Variants in TRMT11 observed in about 807,000 individuals in gnomAD.
TRMT11 encodes the protein tRNA (guanine(10)-N(2))-methyltransferase TRMT11.
Under a neutral mutation model 62.8 loss-of-function variants are expected in TRMT11, and 53 were observed. The ratio of observed to expected loss-of-function variants is 0.84; its 90% CI spans 0.68 to 1.06. The LOEUF (loss-of-function observed/expected upper bound fraction) is 1.06. Among genes scored for constraint, TRMT11 ranks in the 50% least tolerant of loss-of-function variants. The probability of loss-of-function intolerance (pLI) is 0.00; values close to 1 mark genes in which losing one functional copy is unlikely to be tolerated. For missense variants in TRMT11, 556 were observed against 553.4 expected, an observed-to-expected ratio of 1.00 and a Z score of -0.05; for synonymous variants, 188 against 190.3, an observed-to-expected ratio of 0.99 and a Z score of 0.10.
chr6:125,996,221 A>C (rs995977926), intron 3 of TRMT11, among the ~76,000 whole-genome samples, 181 bp downstream of exon 3: 10 of 152,200 alleles, frequency 6.6e-5, no homozygotes, highest in African/African-American at 2.4e-4. Flanking sequence ...GGATGAAAGA[A>C]TCTCTGGGGA....
upstream of TRMT11, among the ~76,000 whole-genome samples, chr6:126,172,622 T>G (rs1331298408): frequency 4.6e-5 from 7 of 152,214 alleles, no homozygotes; most frequent in Non-Finnish European, 8.8e-5. Flanking sequence ...TTGAAACACT[T>G]TCAATACTGT....
intron 7 of TRMT11, among the ~76,000 whole-genome samples, chr6:126,004,119 G>T (rs1339821206): frequency 6.6e-6 from 1 of 151,934 alleles, no homozygotes; most frequent in Admixed American, 6.6e-5. Flanking sequence ...TATACATGTA[G>T]AAAATGATTA....
chr6:126,237,346 TTTATCCACCCCCTAGCAGAAGTCAGA>T, the TRMT11 span, among the ~76,000 whole-genome samples: 1 of 152,140 alleles, frequency 6.6e-6, no homozygotes, highest in Non-Finnish European at 1.5e-5. Flanking sequence ...CTGGAAAATC[TTTATCCACCCCCTAGCAGAAGTCAGA>T]TTATCTTAAA....
intron 11 of TRMT11, 104 bp from the exon 12 acceptor site, chr6:126,021,056 G>C: frequency 1.5e-6 from 2 of 1,315,844 alleles, no homozygotes; most frequent in South Asian, 1.4e-5. Flanking sequence ...TGGGGAAAAA[G>C]AGCATGTAGT....
At chr6:126,182,367 T>TCCC (rs1778476882) in intron 1 of TRMT11, among the ~76,000 whole-genome samples, 1 of 151,708 alleles carries the variant, frequency 6.6e-6, no homozygotes, top group Non-Finnish European at 1.5e-5. Context: ...GGGTAGCATT[T>TCCC]CTTCTTTTTT....
chr6:126,263,547 G>C, the TRMT11 span, among the ~76,000 whole-genome samples: 1 of 152,188 alleles, frequency 6.6e-6, no homozygotes, highest in African/African-American at 2.4e-5. Flanking sequence ...AAGAGCTAAT[G>C]AGAGGTAATA....
the TRMT11 span, among the ~76,000 whole-genome samples, chr6:126,265,365 AT>A: frequency 6.6e-6 from 1 of 152,190 alleles, no homozygotes; most frequent in East Asian, 1.9e-4. Flanking sequence ...AACTGATGAC[AT>A]TTTTATAAAT....
chr6:126,013,465 T>G (rs1381997315), intron 11 of TRMT11, among the ~76,000 whole-genome samples: 1 of 152,176 alleles, frequency 6.6e-6, no homozygotes, highest in Non-Finnish European at 1.5e-5. Flanking sequence ...CTCACTATGT[T>G]GCCCAGGTTG....
chr6:126,206,413 T>G (rs966934169), downstream of TRMT11, among the ~76,000 whole-genome samples: 1 of 152,210 alleles, frequency 6.6e-6, no homozygotes, highest in Admixed American at 6.5e-5. Flanking sequence ...CCCGGTTATG[T>G]CAATCTTTGT....
At chr6:126,265,726 A>G in the TRMT11 span, among the ~76,000 whole-genome samples, 1 of 152,190 alleles carries the variant, frequency 6.6e-6, no homozygotes, top group Non-Finnish European at 1.5e-5. Flanking sequence ...ATTAATTAAC[A>G]CATGTACAAT....
chr6:125,992,200 T>A (rs955292044), intron 1 of TRMT11, among the ~76,000 whole-genome samples: 7 of 152,220 alleles, frequency 4.6e-5, no homozygotes, highest in Non-Finnish European at 7.3e-5. Context: ...CTGCTTAAGC[T>A]TTGGGTAGTA....
At chr6:126,003,275 A>AT (rs915467315) in intron 7 of TRMT11, among the ~76,000 whole-genome samples, 6 of 151,780 alleles carry the variant, frequency 4.0e-5, no homozygotes, top group East Asian at 1.9e-4. Context: ...AATTTTTGCA[A>AT]TTTTTTTTAG....
At chr6:126,211,681 T>C in the TRMT11 span, among the ~76,000 whole-genome samples, 2 of 151,852 alleles carry the variant, frequency 1.3e-5, no homozygotes, top group African/African-American at 2.4e-5. Context: ...TATATATGTA[T>C]AGAGTACATG....
chr6:125,998,335 C>T lies in TRMT11; in HGVS notation c.387+20C>T, dbSNP rs1261993586. On this transcript the variant is annotated intron_variant, in intron 5 of 12. Coordinates refer to ENST00000334379, the MANE Select transcript of TRMT11 (RefSeq NM_001031712.3). ...ATAGATGTAAGTAAATTTAGCAAAA[C>T]AAAAAACCTACATGATGAATGCAGT... 1 of 1,503,098 alleles carries T rather than the reference C, an allele frequency of 6.7e-7. No individual in the cohort carries two copies. Among genetic ancestry groups the T allele is most frequent in the Non-Finnish European group, 9.2e-7 (1 of 1,089,490 alleles). 93.1% of individuals were successfully genotyped at this position (1,503,098 alleles called of 1,614,324 possible). A position where few individuals can be genotyped will look rare whatever the true frequency, so the allele number is the denominator to read the frequency against.
chr6:126,127,595 C>A (rs1243008392), intron 21 of TRMT11, among the ~76,000 whole-genome samples: 2 of 151,710 alleles, frequency 1.3e-5, no homozygotes, highest in Middle Eastern at 3.4e-3. Context: ...TGTTGGTGTG[C>A]TGCACCCATT....
At chr6:126,058,861 T>C (rs1484553942) in intron 17 of TRMT11, among the ~76,000 whole-genome samples, 1 of 152,028 alleles carries the variant, frequency 6.6e-6, no homozygotes, top group Non-Finnish European at 1.5e-5. Flanking sequence ...ACATCCCCAG[T>C]GGTATTTCAA....
chr6:126,155,005 C>G (rs903152568), intron 21 of TRMT11, among the ~76,000 whole-genome samples: 2 of 152,232 alleles, frequency 1.3e-5, no homozygotes, highest in East Asian at 1.9e-4. Context: ...GTGTGTGAAC[C>G]TTGTGGGGTT....
intron 21 of TRMT11, among the ~76,000 whole-genome samples, chr6:126,122,323 A>G (rs1475021773): frequency 6.6e-6 from 1 of 152,064 alleles, no homozygotes; most frequent in Non-Finnish European, 1.5e-5. Context: ...GCAGCCTTAG[A>G]AGAAAAAGTT....
intron 12 of TRMT11, among the ~76,000 whole-genome samples, chr6:126,036,143 G>A (rs936312515): frequency 1.1e-4 from 16 of 152,202 alleles, no homozygotes; most frequent in African/African-American, 3.9e-4. Flanking sequence ...GGGGCCATGA[G>A]GAGAATAGTG....
Sources: gnomAD v4.1 joint callset for allele counts (sites outside exome capture counted in the v4.1 genomes callset) on GRCh38, gnomAD v4.1.1 for gene constraint, MANE v1.5 for transcripts, NCBI Gene and HGNC (gene_info 2026-07-23, HGNC 2026-07-21) for gene names.